The following OR52R1 variants were observed in gnomAD, a reference collection of about 807,000 sequenced individuals.
OR52R1 encodes olfactory receptor 52R1.
For missense variants in OR52R1, 432 were observed against 395.1 expected (o/e 1.09, Z -0.79); for synonymous variants, 159 against 150.1 (o/e 1.06, Z -0.43).
Position 4,804,111 on chromosome 11 carries a change from A to T in OR52R1, c.270T>A (p.Phe90Leu). ...TQPKMLAIFW[F>L]HAHEIQYHAC... ...CATGGTACTGAATCTCATGAGCATG[A>T]AACCAGAATATGGCCAACATCTTAG... Residue 90 changes from phenylalanine to leucine, a missense_variant, in exon 1 of 1, where the codon TTT becomes TTA. Phe to Leu is a conservative substitution (Grantham distance 22). Coordinates refer to ENST00000624978, the MANE Select transcript of OR52R1 (RefSeq NM_001005177.3). The T allele has an allele frequency of 1.2e-6, 2 of 1,614,150 alleles. No homozygotes were observed. Among genetic ancestry groups the T allele is most frequent in the Non-Finnish European group, 1.7e-6 (2 of 1,180,022 alleles).
Position 4,804,376 on chromosome 11 carries a change from A to G in OR52R1, c.5T>C (p.Val2Ala). The G allele has an allele frequency of 6.2e-7, 1 of 1,612,778 alleles. No individual in the cohort carries two copies. The highest frequency in any genetic ancestry group is 8.5e-7 in the Non-Finnish European group (1 of 1,178,772). M[V>A]LASGNSSSHP... ...AGAAGAGCTGTTCCCTGAAGCCAGC[A>G]CCATGGACTGGTTAATATGGTCTCT... is the stretch of plus-strand genomic sequence containing the variant. Residue 2 changes from valine (V) to alanine (A), a missense_variant, in exon 1 of 1, where the codon GTG becomes GCG. Coordinates refer to ENST00000624978, the MANE Select transcript of OR52R1 (RefSeq NM_001005177.3).
At position 4,803,464 on chromosome 11, in the gene OR52R1, AC is replaced by A; in HGVS notation, c.916del (p.Val306LeufsTer?). The A allele has an allele frequency of 6.2e-7, 1 of 1,612,028 alleles. No individual in the cohort carries two copies. The highest frequency in any genetic ancestry group is 8.5e-7 in the Non-Finnish European group (1 of 1,178,510). Reference protein sequence around the residue: ...GVRTKQIGDRVIQGCCGNIP With the variant: ...GVRTKQIGDRXIQGCCGNIP ...GATGTTTCCACAACATCCTTGGATAACCCTGTCCCCGATCTGTTTGGTTCTA... is the reference window on the plus strand; with the variant it reads ...GATGTTTCCACAACATCCTTGGATAACCTGTCCCCGATCTGTTTGGTTCTA... On this transcript the variant is annotated frameshift_variant, in exon 1 of 1. Coordinates refer to ENST00000624978, the MANE Select transcript of OR52R1 (RefSeq NM_001005177.3). LOFTEE classifies it high-confidence loss of function.
rs756627010 is a variant in OR52R1 at position 4,803,770 on chromosome 11, A to G, written c.611T>C (p.Phe204Ser). 1.9e-6 allele frequency: 3 copies of G among 1,613,570 alleles called. No individual in the cohort carries two copies. The East Asian group carries it at 6.7e-5, about 36-fold the overall frequency. ...DTSISRGNGL[F>S]VAFSVAGFDM... ...AAAGCCAGCCACAGAGAAGGCCACA[A>G]AGAGCCCATTCCCACGACTTATGCT... Residue 204 changes from phenylalanine (F) to serine (S), a missense_variant, in exon 1 of 1, where the codon TTT (phenylalanine) becomes TCT (serine). Coordinates refer to ENST00000624978, the MANE Select transcript of OR52R1 (RefSeq NM_001005177.3).
In OR52R1 at chr11:4,803,702, C is replaced by T. The variant is rs200261218; in HGVS notation, c.679G>A (p.Ala227Thr). 4 of 1,613,724 alleles carry T rather than the reference C, an allele frequency of 2.5e-6. No homozygotes were observed. Among genetic ancestry groups the T allele is most frequent in the Non-Finnish European group, 3.4e-6 (4 of 1,179,980 alleles). The change falls in exon 1 of 1, where the codon GCT becomes ACT. Residue 227 changes from alanine to threonine, a missense_variant. Ala to Thr is a moderately conservative substitution (Grantham distance 58, BLOSUM62 0). Coordinates refer to ENST00000624978, the MANE Select transcript of OR52R1 (RefSeq NM_001005177.3). ...TCACCTGAGGGCAACTGAAGCACAG[C>T]TCTCAAAATCATCACGTATGACATA... is the stretch of plus-strand genomic sequence containing the variant. ...IGMSYVMILRAVLQLPSGEAR... is the reference protein window; with the variant it reads ...IGMSYVMILRTVLQLPSGEAR...
In OR52R1 at chr11:4,803,517, G is replaced by A; in HGVS notation, c.864C>T (p.Pro288=). 2.5e-6 allele frequency: 4 copies of A among 1,614,084 alleles called. No individual in the cohort carries two copies. The highest frequency in any genetic ancestry group is 2.2e-5 in the South Asian group (2 of 91,056). The part of the protein sequence containing the change: ...LFANLYLLIP[P]MLNPIIYGVR... ...CTCCATAAATGATGGGGTTGAGCATGGGAGGTATCAGTAGATAGAGATTAG... is the reference window on the plus strand; with the variant it reads ...CTCCATAAATGATGGGGTTGAGCATAGGAGGTATCAGTAGATAGAGATTAG... The change falls in exon 1 of 1, where the codon CCC becomes CCT. Residue 288 remains proline (P), a synonymous_variant. Coordinates refer to ENST00000624978, the MANE Select transcript of OR52R1 (RefSeq NM_001005177.3).
chr11:4,803,445 T>C lies in OR52R1; in HGVS notation c.936A>G (p.Gly312=), dbSNP rs766799235. 1 of 1,603,316 alleles carries C rather than the reference T, an allele frequency of 6.2e-7. No homozygotes were observed. The highest frequency in any genetic ancestry group is 1.1e-5 in the South Asian group (1 of 90,022). The change falls in exon 1 of 1, where the codon GGA becomes GGG. Residue 312 remains glycine (G), a synonymous_variant. Coordinates refer to ENST00000624978, the MANE Select transcript of OR52R1 (RefSeq NM_001005177.3). ...ACTGACCCTTTGCTCAGGGGATGTT[T>C]CCACAACATCCTTGGATAACCCTGT... ...IGDRVIQGCC[G]NIP
In OR52R1 at chr11:4,804,078, G is replaced by A. The variant is rs1307772393; in HGVS notation, c.303C>T (p.Leu101=). The change falls in exon 1 of 1, where the codon CTC becomes CTT. Residue 101 remains leucine (L), a synonymous_variant. Transcript: ENST00000624978. ...HAHEIQYHAC[L]IQVFFIHAFS... ...AGGCATGGATGAAGAACACCTGGAT[G>A]AGGCAGGCATGGTACTGAATCTCAT... 6.2e-7 allele frequency: 1 copy of A among 1,614,126 alleles called. No homozygotes were observed. Among genetic ancestry groups the A allele is most frequent in the East Asian group, 2.2e-5 (1 of 44,862 alleles).
rs377337974 is a variant in OR52R1, at chr11:4,804,345, A to G, written c.36T>C (p.Pro12=). ...VLASGNSSSH[P]VSFILLGIPG... is the part of the protein sequence containing the mutation. ...GGATTCCAAGCAGGATGAAGGACAC[A>G]GGATGAGAAGAGCTGTTCCCTGAAG... Residue 12 remains proline, a synonymous_variant, in exon 1 of 1, where the codon CCT becomes CCC. Transcript: ENST00000624978. 29 of 1,614,066 alleles carry G rather than the reference A, an allele frequency of 1.8e-5. No homozygotes were observed. Among genetic ancestry groups the G allele is most frequent in the Non-Finnish European group, 2.5e-5 (29 of 1,180,028 alleles).
In OR52R1 at chr11:4,803,848, G is replaced by GGAAT. The variant is rs1333346655; in HGVS notation, c.529_532dup (p.Pro178HisfsTer7). On this transcript the variant is annotated frameshift_variant, in exon 1 of 1. Coordinates refer to ENST00000624978, the MANE Select transcript of OR52R1 (RefSeq NM_001005177.3). LOFTEE classifies it low-confidence loss of function (END_TRUNC). The stretch of plus-strand genomic sequence containing the variant: ...AGCCATGTGCTCACAGTATGACTGG[G>GGAAT]GAATGGCTTGGTGTTGGCAGAAGGG... 1 of 1,612,752 alleles carries GGAAT rather than the reference G, an allele frequency of 6.2e-7. No homozygotes were observed. Among genetic ancestry groups the GGAAT allele is most frequent in the Admixed American group, 1.7e-5 (1 of 59,748 alleles).
In OR52R1 at chr11:4,803,507, G is replaced by A. The variant is rs776573037; in HGVS notation, c.874C>T (p.Pro292Ser). 1.7e-4 allele frequency: 282 copies of A among 1,613,898 alleles called. No homozygotes were observed. Among genetic ancestry groups the A allele is most frequent in the Non-Finnish European group, 2.3e-4 (277 of 1,179,928 alleles). The change falls in exon 1 of 1, where the codon CCC becomes TCC. Residue 292 changes from proline to serine, a missense_variant. By Grantham distance (74) the Pro-to-Ser change is moderately conservative. Coordinates refer to ENST00000624978, the MANE Select transcript of OR52R1 (RefSeq NM_001005177.3). ...LYLLIPPMLN[P>S]IIYGVRTKQI... ...TTGGTTCTAACTCCATAAATGATGG[G>A]GTTGAGCATGGGAGGTATCAGTAGA...
At position 4,803,904 on chromosome 11, in the gene OR52R1, C is replaced by T. The variant is rs769775553; in HGVS notation, c.477G>A (p.Val159=). The change falls in exon 1 of 1, where the codon GTG becomes GTA. Residue 159 remains valine, a synonymous_variant. Transcript: ENST00000624978. ...TIVMLRGLLW[V]SPFCFMVSRM... ...TAGACACCATGAAGCAGAAGGGGCTCACCCACAGCAGCCCTCTCAGCATCA... is the reference window on the plus strand; with the variant it reads ...TAGACACCATGAAGCAGAAGGGGCTTACCCACAGCAGCCCTCTCAGCATCA... The T allele has an allele frequency of 3.1e-6, 5 of 1,612,978 alleles. No individual in the cohort carries two copies. Among genetic ancestry groups the T allele is most frequent in the African/African-American group, 1.3e-5 (1 of 74,558 alleles).
chr11:4,804,123 G>A lies in OR52R1; in HGVS notation c.258C>T (p.Ala86=). Residue 86 remains alanine, a synonymous_variant, in exon 1 of 1, where the codon GCC becomes GCT. Coordinates refer to ENST00000624978, the MANE Select transcript of OR52R1 (RefSeq NM_001005177.3). The part of the protein sequence containing the change: ...LSSSTQPKML[A]IFWFHAHEIQ... ...TCTCATGAGCATGAAACCAGAATATGGCCAACATCTTAGGTTGAGTGGAGG... is the reference window on the plus strand; with the variant it reads ...TCTCATGAGCATGAAACCAGAATATAGCCAACATCTTAGGTTGAGTGGAGG... The A allele has an allele frequency of 1.2e-6, 2 of 1,614,112 alleles. No homozygotes were observed. Among genetic ancestry groups the A allele is most frequent in the Non-Finnish European group, 1.7e-6 (2 of 1,180,006 alleles).
In OR52R1 at chr11:4,803,974, G is replaced by C; in HGVS notation, c.407C>G (p.Ser136Cys). Residue 136 changes from serine (S) to cysteine (C), a missense_variant, in exon 1 of 1, where the codon TCT becomes TGT. By Grantham distance (112) the Ser-to-Cys change is moderately radical. Transcript: ENST00000624978. ...CACGACCGATGGGGTCAGGATGCTA[G>C]AGTGTCGGAGTGGGAAGCAGATAGC... ...YVAICFPLRH[S>C]SILTPSVVIK... 6.2e-7 allele frequency: 1 copy of C among 1,613,706 alleles called. No homozygotes were observed. The highest frequency in any genetic ancestry group is 8.5e-7 in the Non-Finnish European group (1 of 1,179,978).
At position 4,803,631 on chromosome 11, in the gene OR52R1, G is replaced by A; in HGVS notation, c.750C>T (p.Val250=). Residue 250 remains valine (V), a synonymous_variant, in exon 1 of 1, where the codon GTC becomes GTT. Coordinates refer to ENST00000624978, the MANE Select transcript of OR52R1 (RefSeq NM_001005177.3). ...AFSTRSSHIC[V]ILALYIPALF... ...GGGCTGGGATATAAAGAGCCAAGAT[G>A]ACACAGATATGGGAGGAACGTGTGC... The A allele has an allele frequency of 1.2e-6, 2 of 1,613,988 alleles. No homozygotes were observed. Among genetic ancestry groups the A allele is most frequent in the East Asian group, 2.2e-5 (1 of 44,868 alleles).
Position 4,804,125 on chromosome 11 carries a change from C to T in OR52R1, c.256G>A (p.Ala86Thr). The T allele has an allele frequency of 1.2e-6, 2 of 1,614,062 alleles. No homozygotes were observed. Among genetic ancestry groups the T allele is most frequent in the South Asian group, 1.1e-5 (1 of 91,070 alleles). Residue 86 changes from alanine to threonine, a missense_variant, in exon 1 of 1, where the codon GCC becomes ACC. By Grantham distance (58) the Ala-to-Thr change is moderately conservative. Transcript: ENST00000624978. The part of the protein sequence containing the change: ...LSSSTQPKML[A>T]IFWFHAHEIQ... ...TCATGAGCATGAAACCAGAATATGGCCAACATCTTAGGTTGAGTGGAGGAG... is the reference window on the plus strand; with the variant it reads ...TCATGAGCATGAAACCAGAATATGGTCAACATCTTAGGTTGAGTGGAGGAG...
Position 4,803,758 on chromosome 11 carries a change from G to A in OR52R1, c.623C>T (p.Ser208Phe). 1 of 1,613,670 alleles carries A rather than the reference G, an allele frequency of 6.2e-7. No homozygotes were observed. Among genetic ancestry groups the A allele is most frequent in the Non-Finnish European group, 8.5e-7 (1 of 1,179,962 alleles). ...GACAATCATATCAAAGCCAGCCACA[G>A]AGAAGGCCACAAAGAGCCCATTCCC... ...SRGNGLFVAF[S>F]VAGFDMIVIG... Residue 208 changes from serine to phenylalanine, a missense_variant, in exon 1 of 1, where the codon TCT (serine) becomes TTT (phenylalanine). Transcript: ENST00000624978.
rs139812222 is a variant in OR52R1 at position 4,803,718 on chromosome 11, G to T, written c.663C>A (p.Tyr221Ter). 3.1e-6 allele frequency: 5 copies of T among 1,613,604 alleles called. No individual in the cohort carries two copies. In the African/African-American group the frequency reaches 5.4e-5, roughly 17 times the overall value. ...GAAGCACAGCTCTCAAAATCATCAC[G>T]TATGACATACCAATGACAATCATAT... is the stretch of plus-strand genomic sequence containing the variant. ...GFDMIVIGMS[Y>*]VMILRAVLQL... Residue 221 changes from tyrosine to a stop codon, truncating the protein, a stop_gained, in exon 1 of 1, where the codon TAC becomes TAA. Transcript: ENST00000624978. LOFTEE classifies it low-confidence loss of function (END_TRUNC).
In OR52R1 at chr11:4,803,565, G is replaced by T. The variant is rs1849213686; in HGVS notation, c.816C>A (p.Pro272=). 1 of 1,613,848 alleles carries T rather than the reference G, an allele frequency of 6.2e-7. No homozygotes were observed. The highest frequency in any genetic ancestry group is 1.3e-5 in the African/African-American group (1 of 74,846). The part of the protein sequence containing the change: ...FLTYRFGHDV[P]RVVHILFANL... ...TAGCAAACAGGATGTGTACAACTCG[G>T]GGCACATCATGGCCAAAGCGGTAGG... Residue 272 remains proline, a synonymous_variant, in exon 1 of 1, where the codon CCC becomes CCA. Coordinates refer to ENST00000624978, the MANE Select transcript of OR52R1 (RefSeq NM_001005177.3).
Position 4,804,185 on chromosome 11 carries a change from GA to G in OR52R1, c.195del (p.Leu66TrpfsTer74). On this transcript the variant is annotated frameshift_variant, in exon 1 of 1. Coordinates refer to ENST00000624978, the MANE Select transcript of OR52R1 (RefSeq NM_001005177.3). LOFTEE classifies it low-confidence loss of function (END_TRUNC). ...DHTLHEPMYL[F>X]LAMLAITDLV... is the part of the protein sequence containing the mutation. ...AGGTCAGTGATGGCCAGCATGGCCA[GA>G]AAGAGGTACATGGGCTCATGCAGGG... 1 of 1,614,204 alleles carries G rather than the reference GA, an allele frequency of 6.2e-7. No homozygotes were observed. Among genetic ancestry groups the G allele is most frequent in the South Asian group, 1.1e-5 (1 of 91,082 alleles).
Sources: gnomAD v4.1 joint callset for allele counts on GRCh38, gnomAD v4.1.1 for gene constraint, MANE v1.5 for transcripts, NCBI Gene and HGNC (gene_info 2026-07-23, HGNC 2026-07-21) for gene names.